Variants in EPAS1 observed in about 807,000 individuals in gnomAD.
The protein encoded by EPAS1 is endothelial PAS domain-containing protein 1.
EPAS1 carries 23 observed loss-of-function variants against 87.9 expected under a neutral mutation model. That is an observed-to-expected ratio of 0.26 (90% CI 0.19 to 0.37). EPAS1 has a LOEUF of 0.37. Ranked by LOEUF, EPAS1 falls within the 10% of genes least tolerant of loss-of-function variation. The probability of loss-of-function intolerance (pLI) is 1.00; values close to 1 mark genes in which losing one functional copy is unlikely to be tolerated. For missense variants in EPAS1, 1,138 were observed against 1,120.7 expected (o/e 1.02, Z -0.22); for synonymous variants, 508 against 444.3 (o/e 1.14, Z -1.80).
At chr2:46,356,461 C>A (rs528485315) in intron 3 of EPAS1, among the ~76,000 whole-genome samples, 159 bp downstream of exon 3, 1 of 152,332 alleles carries the variant, frequency 6.6e-6, no homozygotes, top group East Asian at 1.9e-4. Context: ...CACGCTCCCA[C>A]CCCCAAGCAT....
At position 46,371,015 on chromosome 2, in the gene EPAS1, C is replaced by T. The variant is rs552247553; in HGVS notation, c.886+1082C>T. Among the ~76,000 whole-genome samples the T allele has an allele frequency of 7.1e-4, 108 of 152,236 alleles. No homozygotes were observed. The highest frequency in any genetic ancestry group is 2.5e-3 in the African/African-American group (104 of 41,534). On this transcript the variant is annotated intron_variant, in intron 7 of 15. Coordinates refer to ENST00000263734, the MANE Select transcript of EPAS1 (RefSeq NM_001430.5). This position sits in a 1 kb window ranked among gnomAD's most constrained non-coding sequence, Gnocchi z 4.3. ...TCTTTAACCTCAGTATCTAGCATAG[C>T]GTCTGGTACAGAACAGGCACTAAAT...
intron 12 of EPAS1, 30 bp from the exon 13 acceptor site, chr2:46,381,566 C>T (rs1187992241): frequency 6.2e-6 from 10 of 1,613,718 alleles, no homozygotes; most frequent in Non-Finnish European, 8.5e-6. Context: ...CTCCAGACTC[C>T]CTCATAGCCT....
At position 46,356,593 on chromosome 2, in the gene EPAS1, G is replaced by T. The variant is rs1275676202; in HGVS notation, c.370-131G>T. 1.6e-4 allele frequency: 124 copies of T among 789,850 alleles called. No homozygotes were observed. In the East Asian group the frequency reaches 3.0e-3, roughly 19 times the overall value. 48.9% of individuals were successfully genotyped at this position (789,850 alleles called of 1,614,324 possible). On this transcript the variant is annotated intron_variant, in intron 3 of 15. Transcript: ENST00000263734. ...TCTTTCTGTCTGTGGACCTGACACT[G>T]GACTGGGATTATGAGAAAACCCAAT... is the stretch of plus-strand genomic sequence containing the variant.
chr2:46,349,221 T>C (rs1273948166), intron 2 of EPAS1, among the ~76,000 whole-genome samples: 5 of 152,052 alleles, frequency 3.3e-5, no homozygotes, highest in Non-Finnish European at 7.4e-5. Flanking sequence ...CCTCACACAT[T>C]CAGAGAGTTG....
intron 2 of EPAS1, among the ~76,000 whole-genome samples, chr2:46,352,643 G>C (rs923032199): frequency 1.3e-5 from 2 of 152,148 alleles, no homozygotes; most frequent in Non-Finnish European, 2.9e-5. Context: ...CTCCAAGCTG[G>C]GAGTGACCTG....
chr2:46,364,056 C>G (rs1572640429), intron 6 of EPAS1, among the ~76,000 whole-genome samples: 2 of 152,184 alleles, frequency 1.3e-5, no homozygotes, highest in East Asian at 3.8e-4. Context: ...TGTTTTCACT[C>G]TTTGTGGTGG....
chr2:46,317,658 CT>C (rs1683369129), intron 1 of EPAS1, among the ~76,000 whole-genome samples: 4 of 152,228 alleles, frequency 2.6e-5, no homozygotes, highest in Admixed American at 1.3e-4. Context: ...TCCTTTGAAA[CT>C]AGGGATTGAC....
chr2:46,381,185 C>A, intron 12 of EPAS1: 1 of 359,872 alleles, frequency 2.8e-6, no homozygotes, highest in Non-Finnish European at 5.3e-6. Flanking sequence ...ATGCTCATTT[C>A]ACCAGCTGCG....
At chr2:46,299,364 G>T (rs1198988279) in intron 1 of EPAS1, among the ~76,000 whole-genome samples, 1 of 152,122 alleles carries the variant, frequency 6.6e-6, no homozygotes, top group Non-Finnish European at 1.5e-5. Context: ...TCACCGTCGC[G>T]CCCTCAGACC....
chr2:46,344,956 T>C (rs1205685676), intron 1 of EPAS1, among the ~76,000 whole-genome samples: 1 of 152,220 alleles, frequency 6.6e-6, no homozygotes, highest in Non-Finnish European at 1.5e-5. Flanking sequence ...TCTTGAGGGA[T>C]TTGAGAGGCA....
chr2:46,368,289 T>TGGAGAAGAGG (rs547825958), intron 6 of EPAS1, among the ~76,000 whole-genome samples: 1 of 152,060 alleles, frequency 6.6e-6, no homozygotes, highest in South Asian at 2.1e-4. Flanking sequence ...TGTCAGGGCT[T>TGGAGAAGAGG]GGAGAAGAGG....
chr2:46,350,889 A>T (rs1684132900), intron 2 of EPAS1, among the ~76,000 whole-genome samples: 1 of 152,232 alleles, frequency 6.6e-6, no homozygotes, highest in Non-Finnish European at 1.5e-5. Context: ...ACAAGAGATT[A>T]TATTTTCCTG....
intron 12 of EPAS1, chr2:46,381,297 A>T: frequency 2.2e-6 from 1 of 454,142 alleles, no homozygotes; most frequent in South Asian, 2.1e-5. Context: ...TTTCAGTGGG[A>T]GCAAAAGGCA....
At chr2:46,314,425 C>T (rs1230515577) in intron 1 of EPAS1, among the ~76,000 whole-genome samples, 1 of 152,218 alleles carries the variant, frequency 6.6e-6, no homozygotes, top group Non-Finnish European at 1.5e-5. Flanking sequence ...ACTACAGCCC[C>T]ATTTCTACCC....
intron 2 of EPAS1, among the ~76,000 whole-genome samples, chr2:46,353,818 T>A (rs758892387): frequency 3.9e-5 from 6 of 152,224 alleles, no homozygotes; most frequent in Non-Finnish European, 5.9e-5. Flanking sequence ...CTCTCCAGGC[T>A]AGCCGCCTGA....
chr2:46,354,270 A>G (rs2103625383), intron 2 of EPAS1, among the ~76,000 whole-genome samples: 1 of 152,306 alleles, frequency 6.6e-6, no homozygotes, highest in South Asian at 2.1e-4. Context: ...AATAGTCTCC[A>G]TTTGGAAGAC....
In EPAS1 at chr2:46,382,077, A is replaced by C; in HGVS notation, c.2275A>C (p.Asn759His). The change falls in exon 14 of 16, where the codon AAT becomes CAT. Residue 759 changes from asparagine (N) to histidine (H), a missense_variant. Asn to His is a moderately conservative substitution (Grantham distance 68, BLOSUM62 1). Transcript: ENST00000263734. ...GATGCCGGACAAGCCACTGAGCGCAAATGTACCCAATGGTGAGCAGCGGCC... is the reference window on the plus strand; with the variant it reads ...GATGCCGGACAAGCCACTGAGCGCACATGTACCCAATGGTGAGCAGCGGCC... ...PLMPDKPLSA[N>H]VPNDKFTQNP... The C allele has an allele frequency of 6.2e-7, 1 of 1,613,942 alleles. No homozygotes were observed. Among genetic ancestry groups the C allele is most frequent in the Non-Finnish European group, 8.5e-7 (1 of 1,180,004 alleles).
chr2:46,329,683 GCA>G (rs1239125203), intron 1 of EPAS1, among the ~76,000 whole-genome samples: 124 of 151,408 alleles, frequency 8.2e-4, no homozygotes, highest in Non-Finnish European at 1.5e-3. Flanking sequence ...TTAGCCAGGT[GCA>G]GTGGTGGGCA....
chr2:46,352,113 ATC>A (rs1684174292), intron 2 of EPAS1, among the ~76,000 whole-genome samples: 2 of 152,212 alleles, frequency 1.3e-5, no homozygotes, highest in South Asian at 4.1e-4. Flanking sequence ...TTAATGAGCC[ATC>A]TCTCGTCTTT....
Sources: gnomAD v4.1 joint callset for allele counts (sites outside exome capture counted in the v4.1 genomes callset) on GRCh38, gnomAD v4.1.1 for gene constraint, Gnocchi (gnomAD v3.1) non-coding constraint, MANE v1.5 for transcripts, NCBI Gene and HGNC (gene_info 2026-07-23, HGNC 2026-07-21) for gene names.